GRIA2: variants seen among roughly 807,000 people sequenced by gnomAD.
GRIA2 encodes the protein glutamate receptor 2.
In GRIA2, 14 loss-of-function variants were observed where a neutral mutation model predicts 97.3. That is an observed-to-expected ratio of 0.14 (90% CI 0.10 to 0.23). The LOEUF is 0.23. Among genes scored for constraint, GRIA2 ranks in the 10% least tolerant of loss-of-function variants. The pLI is 1.00. For missense variants in GRIA2, 558 were observed against 1,069.8 expected (o/e 0.52, Z 6.67); for synonymous variants, 412 against 387.8 (o/e 1.06, Z -0.73).
At chr4:157,333,791 A>G (rs1414547407) in intron 8 of GRIA2, among the ~76,000 whole-genome samples, 1 of 152,102 alleles carries the variant, frequency 6.6e-6, no homozygotes, top group Non-Finnish European at 1.5e-5. Flanking sequence ...CTTAGAAAAT[A>G]CAAAAAGTGA....
chr4:157,312,957 G>A, intron 4 of GRIA2, 82 bp downstream of exon 4: 1 of 823,524 alleles, frequency 1.2e-6, no homozygotes, highest in Non-Finnish European at 1.9e-6. Context: ...ATTTGTGTAA[G>A]GTGCTTGAAC....
At chr4:157,300,704 T>G (rs1733575974) in intron 2 of GRIA2, among the ~76,000 whole-genome samples, 1 of 152,082 alleles carries the variant, frequency 6.6e-6, no homozygotes, top group Non-Finnish European at 1.5e-5. Context: ...GAAGAGCTAT[T>G]GTTGTAAAAA....
At chr4:157,332,646 A>G (rs1483862179) in intron 6 of GRIA2, among the ~76,000 whole-genome samples, 173 bp from the exon 7 acceptor site, 1 of 152,046 alleles carries the variant, frequency 6.6e-6, no homozygotes, top group Non-Finnish European at 1.5e-5. Context: ...CATAGTCCCC[A>G]TGTTTTGTAA....
At chr4:157,293,251 A>G (rs1733186894) in intron 2 of GRIA2, among the ~76,000 whole-genome samples, 1 of 152,172 alleles carries the variant, frequency 6.6e-6, no homozygotes. Flanking sequence ...GTATGTATTC[A>G]CATGTTCACT....
chr4:157,221,686 C>A lies in GRIA2; in HGVS notation c.108C>A (p.Gly36=), dbSNP rs371935251. The A allele has an allele frequency of 6.2e-7, 1 of 1,613,972 alleles. No individual in the cohort carries two copies. The highest frequency in any genetic ancestry group is 1.7e-5 in the Admixed American group (1 of 60,014). ...SIQIGGLFPR[G]ADQEYSAFRV... Reference sequence around the variant, plus strand: ...TTGCAGGGGGGCTATTTCCTAGGGGCGCCGATCAAGAATACAGTGCATTTC... The same window carrying A: ...TTGCAGGGGGGCTATTTCCTAGGGGAGCCGATCAAGAATACAGTGCATTTC... Residue 36 remains glycine (G), a synonymous_variant, in exon 2 of 16, where the codon GGC becomes GGA. Transcript: ENST00000264426.
At chr4:157,357,590 C>T (rs761458974) in intron 12 of GRIA2, among the ~76,000 whole-genome samples, 1 of 152,004 alleles carries the variant, frequency 6.6e-6, no homozygotes, top group Admixed American at 6.6e-5. Context: ...AAATCATGCT[C>T]CTCATAAGAA....
intron 2 of GRIA2, among the ~76,000 whole-genome samples, chr4:157,226,167 A>G (rs1467759350): frequency 6.6e-6 from 1 of 152,060 alleles, no homozygotes. Flanking sequence ...TCCATACAAC[A>G]AAATAAATTA....
At chr4:157,244,735 C>T (rs1371916599) in intron 2 of GRIA2, among the ~76,000 whole-genome samples, 1 of 151,956 alleles carries the variant, frequency 6.6e-6, no homozygotes, top group Non-Finnish European at 1.5e-5. Flanking sequence ...GAACAATAAT[C>T]TGTTGGCTTT....
At position 157,312,746 on chromosome 4, in the gene GRIA2, T is replaced by C. The variant is rs1579354548; in HGVS notation, c.537T>C (p.Asn179=). 3 of 1,610,292 alleles carry C rather than the reference T, an allele frequency of 1.9e-6. No individual in the cohort carries two copies. The highest frequency in any genetic ancestry group is 1.1e-5 in the South Asian group (1 of 90,900). ...AGAAATGGCAAGTGACTGCTATCAA[T>C]GTGGGAAACATTAACAATGACAAGA... ...AEKKWQVTAI[N]VGNINNDKKD... Residue 179 remains asparagine (N), a synonymous_variant, in exon 4 of 16, where the codon AAT becomes AAC. Transcript: ENST00000264426.
intron 12 of GRIA2, among the ~76,000 whole-genome samples, chr4:157,350,359 G>A (rs920756975): frequency 2.0e-5 from 3 of 151,876 alleles, no homozygotes; most frequent in East Asian, 1.9e-4. Flanking sequence ...CTTACAGTGC[G>A]GTATCTAGAT....
At chr4:157,277,627 G>C (rs576997184) in intron 2 of GRIA2, among the ~76,000 whole-genome samples, 1 of 151,396 alleles carries the variant, frequency 6.6e-6, no homozygotes, top group East Asian at 1.9e-4. Context: ...TAGAAAATCT[G>C]TATGACCTGA....
chr4:157,360,764 G>T, intron 13 of GRIA2: 1 of 561,844 alleles, frequency 1.8e-6, no homozygotes, highest in Non-Finnish European at 3.4e-6. Flanking sequence ...GTACATTGCT[G>T]TAGAATATAG....
intron 12 of GRIA2, 89 bp from the exon 13 acceptor site, chr4:157,359,807 T>A: frequency 8.6e-7 from 1 of 1,165,560 alleles, no homozygotes; most frequent in Non-Finnish European, 1.2e-6. Context: ...ATCATCTATG[T>A]TTTGAAAAGT....
intron 2 of GRIA2, among the ~76,000 whole-genome samples, chr4:157,256,902 A>G (rs982840240): frequency 1.3e-5 from 2 of 152,018 alleles, no homozygotes; most frequent in Non-Finnish European, 2.9e-5. Flanking sequence ...TGCTTTGTTA[A>G]TTGCTTGATT....
intron 12 of GRIA2, among the ~76,000 whole-genome samples, chr4:157,358,299 A>G (rs2126994882): frequency 6.6e-6 from 1 of 152,270 alleles, no homozygotes; most frequent in South Asian, 2.1e-4. Context: ...TAAATCACAA[A>G]ATAGCTAATT....
chr4:157,361,738 C>A lies in GRIA2; in HGVS notation c.2406+614C>A. On this transcript the variant is annotated intron_variant, in intron 14 of 15. Coordinates refer to ENST00000264426, the MANE Select transcript of GRIA2 (RefSeq NM_001083619.3). This position sits in a 1 kb window ranked among gnomAD's most constrained non-coding sequence, Gnocchi z 5.2. Reference sequence around the variant, plus strand: ...CACAAGTGTGTTAGTGGGAATGACCCATCTTAAATAGAATGTAAATGCAAA... The same window carrying A: ...CACAAGTGTGTTAGTGGGAATGACCAATCTTAAATAGAATGTAAATGCAAA... 1.1e-6 allele frequency: 1 copy of A among 875,250 alleles called. No individual in the cohort carries two copies. Among genetic ancestry groups the A allele is most frequent in the South Asian group, 1.5e-5 (1 of 67,184 alleles). 54.2% of individuals were successfully genotyped at this position (875,250 alleles called of 1,614,324 possible).
At chr4:157,346,545 G>GAAAAAAA (rs1434879649) in intron 12 of GRIA2, among the ~76,000 whole-genome samples, 2 of 152,010 alleles carry the variant, frequency 1.3e-5, no homozygotes, top group Admixed American at 6.6e-5. Context: ...AATAAAATGA[G>GAAAAAAA]TGTAGCCATT....
chr4:157,357,925 G>A (rs1297564715), intron 12 of GRIA2, among the ~76,000 whole-genome samples: 1 of 151,964 alleles, frequency 6.6e-6, no homozygotes, highest in Non-Finnish European at 1.5e-5. Flanking sequence ...AATTTTCTCT[G>A]AAGGGCATTC....
rs552383680 is a variant in GRIA2 at position 157,266,967 on chromosome 4, A to G, written c.230-36585A>G. ...TTCAGCTACTCGAGTAGGCTCAGCT[A>G]TTTGAGAGACGTAGGCAGAAGGATC... On this transcript the variant is annotated intron_variant, in intron 2 of 15. Coordinates refer to ENST00000264426, the MANE Select transcript of GRIA2 (RefSeq NM_001083619.3). Among the ~76,000 whole-genome samples the G allele has an allele frequency of 2.6e-5, 4 of 152,066 alleles. No individual in the cohort carries two copies. In the South Asian group the frequency reaches 8.3e-4, roughly 32 times the overall value.
Sources: gnomAD v4.1 joint callset for allele counts (sites outside exome capture counted in the v4.1 genomes callset) on GRCh38, gnomAD v4.1.1 for gene constraint, Gnocchi (gnomAD v3.1) non-coding constraint, MANE v1.5 for transcripts, NCBI Gene and HGNC (gene_info 2026-07-23, HGNC 2026-07-21) for gene names.